Variants in GALNT11 observed in about 807,000 individuals in gnomAD.
GALNT11 encodes UDP-GalNAc:polypeptide N-acetylgalactosaminyltransferase 11.
Under a neutral mutation model 72.7 loss-of-function variants are expected in GALNT11, and 47 were observed. The observed-to-expected ratio is 0.65, with a 90% CI of 0.51 to 0.82. The LOEUF (loss-of-function observed/expected upper bound fraction) is 0.82. Ranked by LOEUF, GALNT11 falls within the 40% of genes least tolerant of loss-of-function variation. The pLI, the probability that GALNT11 is intolerant of heterozygous loss-of-function variation, is 0.00. For synonymous variants in GALNT11, 270 were observed against 286.6 expected, an observed-to-expected ratio of 0.94 and a Z score of 0.58; for missense variants, 677 against 778.4, an observed-to-expected ratio of 0.87 and a Z score of 1.55.
intron 7 of GALNT11, 29 bp downstream of exon 7, chr7:152,110,674 TAAC>T: frequency 7.3e-7 from 1 of 1,366,248 alleles, no homozygotes. Context: ...GCTCAATTAA[TAAC>T]TGTGTAGTGG....
At chr7:152,085,510 G>GT (rs762219864) in intron 1 of GALNT11, among the ~76,000 whole-genome samples, 2 of 152,104 alleles carry the variant, frequency 1.3e-5, no homozygotes, top group Non-Finnish European at 2.9e-5. Flanking sequence ...AAAGGCCTGG[G>GT]TAATTGCCTT....
intron 2 of GALNT11, among the ~76,000 whole-genome samples, chr7:152,095,607 C>T (rs531038420): frequency 4.6e-5 from 7 of 152,280 alleles, no homozygotes; most frequent in African/African-American, 1.7e-4. Flanking sequence ...GAGACGTGAT[C>T]TCACCAACTT....
intron 10 of GALNT11, chr7:152,118,995 G>A (rs752529731): frequency 3.9e-4 from 145 of 371,876 alleles, no homozygotes; most frequent in Middle Eastern, 6.8e-4. Flanking sequence ...ATTTTTCACC[G>A]AAAAAAACTG....
chr7:152,112,488 C>A (rs1361439806), intron 7 of GALNT11, among the ~76,000 whole-genome samples: 1 of 151,788 alleles, frequency 6.6e-6, no homozygotes, highest in Non-Finnish European at 1.5e-5. Context: ...TTGCAGTGAG[C>A]CAAGCGCCAC....
At chr7:152,121,051 C>A in intron 11 of GALNT11, 83 bp downstream of exon 11, 1 of 1,511,462 alleles carries the variant, frequency 6.6e-7, no homozygotes, top group Non-Finnish European at 8.9e-7. Context: ...AACTCATTTT[C>A]TACCTTGGGG....
intron 8 of GALNT11, among the ~76,000 whole-genome samples, chr7:152,114,670 C>CCTGCCT (rs1172723997): frequency 1.3e-5 from 2 of 151,990 alleles, no homozygotes; most frequent in East Asian, 1.9e-4. Context: ...GAGTGATTCT[C>CCTGCCT]CTGCCTCAGC....
At chr7:152,052,313 A>AT (rs1229081270) in intron 1 of GALNT11, among the ~76,000 whole-genome samples, 1 of 152,084 alleles carries the variant, frequency 6.6e-6, no homozygotes, top group Non-Finnish European at 1.5e-5. Context: ...TGCTGTGAAC[A>AT]TGTGTTCACA....
At chr7:152,080,955 A>G (rs1441317683) in intron 1 of GALNT11, among the ~76,000 whole-genome samples, 1 of 152,150 alleles carries the variant, frequency 6.6e-6, no homozygotes, top group Non-Finnish European at 1.5e-5. Flanking sequence ...GGGCGACAAG[A>G]GCGAAACTCT....
At chr7:152,110,785 C>A in intron 7 of GALNT11, 140 bp downstream of exon 7, 1 of 651,864 alleles carries the variant, frequency 1.5e-6, no homozygotes, top group Non-Finnish European at 2.6e-6. Flanking sequence ...GGTTGGAGTG[C>A]AGTGGCGTGG....
At chr7:152,073,442 C>G (rs965891221) in intron 1 of GALNT11, among the ~76,000 whole-genome samples, 1 of 152,326 alleles carries the variant, frequency 6.6e-6, no homozygotes, top group Admixed American at 6.5e-5. Context: ...TTAATATCCT[C>G]CAGTTCCATC....
intron 1 of GALNT11, among the ~76,000 whole-genome samples, chr7:152,031,881 C>A (rs2082318767): frequency 6.6e-6 from 1 of 152,122 alleles, no homozygotes; most frequent in Non-Finnish European, 1.5e-5. Flanking sequence ...CTTGCTCTAT[C>A]TGGGGATCCA....
At chr7:152,031,670 A>C (rs537161906) in intron 1 of GALNT11, among the ~76,000 whole-genome samples, 26 of 152,322 alleles carry the variant, frequency 1.7e-4, no homozygotes, top group African/African-American at 5.8e-4. Flanking sequence ...CACGAGTCTG[A>C]GTAAGGACTC....
chr7:152,055,095 T>C (rs1371719114), intron 1 of GALNT11, among the ~76,000 whole-genome samples: 1 of 152,198 alleles, frequency 6.6e-6, no homozygotes, highest in Non-Finnish European at 1.5e-5. Flanking sequence ...CATTGGTATG[T>C]GTTCAGATTT....
At chr7:152,121,027 G>A (rs1184263189) in intron 11 of GALNT11, 59 bp downstream of exon 11, 1 of 1,567,396 alleles carries the variant, frequency 6.4e-7, no homozygotes, top group Admixed American at 2.0e-5. Flanking sequence ...TTGAGTGAGG[G>A]AGTGTGGCAG....
intron 1 of GALNT11, among the ~76,000 whole-genome samples, chr7:152,060,830 T>C (rs1316427101): frequency 1.3e-5 from 2 of 152,202 alleles, no homozygotes; most frequent in Non-Finnish European, 2.9e-5. Context: ...TGTATAGTAT[T>C]CCATGGTGTA....
intron 1 of GALNT11, among the ~76,000 whole-genome samples, chr7:152,052,046 C>T (rs2083431807): frequency 6.6e-6 from 1 of 152,160 alleles, no homozygotes; most frequent in Non-Finnish European, 1.5e-5. Flanking sequence ...TCCCCATTTT[C>T]CCAGCCCCTT....
At chr7:152,081,835 T>C (rs1229169522) in intron 1 of GALNT11, among the ~76,000 whole-genome samples, 1 of 152,208 alleles carries the variant, frequency 6.6e-6, no homozygotes, top group East Asian at 1.9e-4. Context: ...TGTACTTACA[T>C]GTAGCATCCT....
intron 5 of GALNT11, 130 bp downstream of exon 5, chr7:152,105,500 G>A: frequency 2.2e-6 from 3 of 1,361,014 alleles, no homozygotes; most frequent in Middle Eastern, 2.0e-4. Flanking sequence ...GGAGAGATGA[G>A]GCTTGTTCTG....
intron 1 of GALNT11, among the ~76,000 whole-genome samples, chr7:152,065,826 C>G (rs746825979): frequency 5.3e-5 from 8 of 152,206 alleles, no homozygotes; most frequent in Non-Finnish European, 1.2e-4. Context: ...GGGTACCCAG[C>G]TATGTGGGGT....
Sources: allele counts gnomAD v4.1 joint callset (sites outside exome capture counted in the v4.1 genomes callset), GRCh38; gene constraint gnomAD v4.1.1; transcripts MANE v1.5; gene names NCBI Gene and HGNC (gene_info 2026-07-23, HGNC 2026-07-21).